Variants in SYCP1 observed in about 807,000 individuals in gnomAD.
SYCP1 encodes cancer/testis antigen 8.
In SYCP1, 64 loss-of-function variants were observed where a neutral mutation model predicts 153.1. The ratio of observed to expected loss-of-function variants is 0.42; its 90% CI spans 0.34 to 0.51. The LOEUF (loss-of-function observed/expected upper bound fraction) is 0.51. Ranked by LOEUF, SYCP1 falls within the 20% of genes least tolerant of loss-of-function variation. The pLI is 0.06. For missense variants in SYCP1, 997 were observed against 1,049.0 expected, an observed-to-expected ratio of 0.95 and a Z score of 0.68; for synonymous variants, 384 against 341.8, an observed-to-expected ratio of 1.12 and a Z score of -1.36.
intron 23 of SYCP1, among the ~76,000 whole-genome samples, chr1:114,934,168 C>T (rs1256400556): frequency 2.6e-5 from 4 of 152,156 alleles, no homozygotes; most frequent in Non-Finnish European, 5.9e-5. Flanking sequence ...AGAGAAAGGT[C>T]AGGTTACCTA....
chr1:114,872,850 T>C (rs1353717733), intron 8 of SYCP1, among the ~76,000 whole-genome samples: 2 of 152,270 alleles, frequency 1.3e-5, no homozygotes, highest in African/African-American at 4.8e-5. Context: ...AGACAGCGTC[T>C]TTCTATGTTG....
intron 16 of SYCP1, among the ~76,000 whole-genome samples, chr1:114,896,313 C>T (rs1018611058): frequency 9.2e-5 from 14 of 152,000 alleles, no homozygotes; most frequent in Middle Eastern, 3.2e-3. Context: ...TTAATTGCTC[C>T]GGGACAAACT....
At chr1:114,937,076 C>T (rs1308396370) in intron 23 of SYCP1, among the ~76,000 whole-genome samples, 17 of 152,112 alleles carry the variant, frequency 1.1e-4, no homozygotes, top group East Asian at 3.9e-4. Context: ...AAAAAGAGCC[C>T]GCATTGCCAA....
intron 16 of SYCP1, 54 bp from the exon 17 acceptor site, chr1:114,910,343 A>G (rs921297982): frequency 1.6e-6 from 2 of 1,254,580 alleles, no homozygotes; most frequent in Non-Finnish European, 2.3e-6. Flanking sequence ...CAGTTTGATT[A>G]CTTTCACTAT....
At chr1:114,896,659 A>T (rs939320605) in intron 16 of SYCP1, among the ~76,000 whole-genome samples, 1 of 152,194 alleles carries the variant, frequency 6.6e-6, no homozygotes, top group Non-Finnish European at 1.5e-5. Context: ...TGTGTTGTTT[A>T]CCTTGTAACT....
chr1:114,984,729 A>T lies in SYCP1; in HGVS notation c.2564A>T (p.Tyr855Phe), dbSNP rs1447546024. 8.9e-6 allele frequency: 13 copies of T among 1,463,604 alleles called. 1 individual carries two copies. In the East Asian group the frequency reaches 3.3e-4, roughly 37 times the overall value. The allele number at this position is 1,463,604 out of a possible 1,614,324, so 90.7% of individuals were successfully genotyped here. A position where few individuals can be genotyped will look rare whatever the true frequency, so the allele number is the denominator to read the frequency against. ...NTLSTPLPKAYTVKTPTKPKL... is the reference protein window; with the variant it reads ...NTLSTPLPKAFTVKTPTKPKL... ...TGGTTTTTTATTTTTGGATAGGCATATACAGTGAAGACACCAACAAAACCA... is the reference window on the plus strand; with the variant it reads ...TGGTTTTTTATTTTTGGATAGGCATTTACAGTGAAGACACCAACAAAACCA... Residue 855 changes from tyrosine to phenylalanine, a missense_variant, in exon 30 of 32, where the codon TAT becomes TTT. Tyr to Phe is a conservative substitution (Grantham distance 22). Transcript: ENST00000369522.
At chr1:114,962,936 T>C (rs1197406686) in intron 27 of SYCP1, among the ~76,000 whole-genome samples, 1 of 152,222 alleles carries the variant, frequency 6.6e-6, no homozygotes, top group African/African-American at 2.4e-5. Context: ...GAAGCTTAGT[T>C]ACACTGGATA....
chr1:114,903,940 G>T (rs750648371), intron 16 of SYCP1, among the ~76,000 whole-genome samples: 42 of 151,890 alleles, frequency 2.8e-4, no homozygotes, highest in Non-Finnish European at 5.3e-4. Flanking sequence ...ACATTTTCTT[G>T]GTGTATTTGT....
rs549578048 is a variant in SYCP1, at chr1:114,855,773, C to G, written c.108+201C>G. The stretch of plus-strand genomic sequence containing the variant: ...TCATTCATTTAAATAATGACTGCTG[C>G]CGTAGAACTCTGCATACATAGTGGA... On this transcript the variant is annotated intron_variant, in intron 2 of 31. Coordinates refer to ENST00000369522, the MANE Select transcript of SYCP1 (RefSeq NM_003176.4). 7.2e-5 allele frequency among the ~76,000 whole-genome samples: 11 copies of G among 152,274 alleles called. No individual in the cohort carries two copies. The East Asian group carries it at 1.3e-3, about 19-fold the overall frequency.
At chr1:114,954,492 A>C (rs926948045) in intron 27 of SYCP1, among the ~76,000 whole-genome samples, 86 of 151,340 alleles carry the variant, frequency 5.7e-4, no homozygotes, top group Admixed American at 5.7e-3. Flanking sequence ...ACTAATATTA[A>C]TAAATACAAT....
At chr1:114,958,842 A>G (rs1041523882) in intron 27 of SYCP1, among the ~76,000 whole-genome samples, 3 of 150,158 alleles carry the variant, frequency 2.0e-5, no homozygotes, top group Middle Eastern at 3.5e-3. Context: ...AGGCAGGAGA[A>G]TGGCATGAAC....
chr1:114,914,405 A>G (rs1018054101), intron 20 of SYCP1, among the ~76,000 whole-genome samples: 3 of 147,598 alleles, frequency 2.0e-5, no homozygotes, highest in African/African-American at 7.4e-5. Context: ...CCCACTCTAT[A>G]TTTTTTTTTT....
At chr1:114,915,057 C>T (rs1271397537) in intron 20 of SYCP1, among the ~76,000 whole-genome samples, 1 of 143,192 alleles carries the variant, frequency 7.0e-6, no homozygotes, top group African/African-American at 2.6e-5. Flanking sequence ...ATGTTTTAAT[C>T]AAAAAATTAA....
intron 30 of SYCP1, among the ~76,000 whole-genome samples, chr1:114,988,844 G>A (rs1673714938): frequency 6.6e-6 from 1 of 151,926 alleles, no homozygotes; most frequent in African/African-American, 2.4e-5. Context: ...GTTAATTTAT[G>A]TTACTAGGCG....
chr1:114,916,373 T>C (rs1317559925), intron 20 of SYCP1, among the ~76,000 whole-genome samples: 1 of 152,146 alleles, frequency 6.6e-6, no homozygotes, highest in Non-Finnish European at 1.5e-5. Context: ...ATAGTAATAA[T>C]GATTTCTATG....
chr1:114,916,649 GTT>G (rs57260757), intron 20 of SYCP1, among the ~76,000 whole-genome samples: 2 of 143,002 alleles, frequency 1.4e-5, no homozygotes, highest in African/African-American at 5.0e-5. Context: ...ATCTTTTGAG[GTT>G]TTTTTTTTTT....
At chr1:114,952,690 T>G (rs1671187478) in intron 27 of SYCP1, among the ~76,000 whole-genome samples, 1 of 152,182 alleles carries the variant, frequency 6.6e-6, no homozygotes, top group Non-Finnish European at 1.5e-5. Context: ...CATGATTCAA[T>G]TACTTCCCAC....
rs921529579 is a variant in SYCP1, at chr1:114,903,237, G to A, written c.1321-7160G>A. ...TATGCTAAAACTCTGGGGATACAGT[G>A]GGGAGCAAATGGACCCATATACTGC... On this transcript the variant is annotated intron_variant, in intron 16 of 31. Transcript: ENST00000369522. 8.5e-5 allele frequency among the ~76,000 whole-genome samples: 13 copies of A among 152,216 alleles called. No individual in the cohort carries two copies. In the South Asian group the frequency reaches 1.2e-3, roughly 15 times the overall value.
At chr1:114,900,139 A>C (rs1300811607) in intron 16 of SYCP1, among the ~76,000 whole-genome samples, 1 of 152,192 alleles carries the variant, frequency 6.6e-6, no homozygotes, top group African/African-American at 2.4e-5. Context: ...TTTTGAATTT[A>C]GTCAATATAT....
Sources: gnomAD v4.1 joint callset for allele counts (sites outside exome capture counted in the v4.1 genomes callset) on GRCh38, gnomAD v4.1.1 for gene constraint, MANE v1.5 for transcripts, NCBI Gene and HGNC (gene_info 2026-07-23, HGNC 2026-07-21) for gene names.